The following ARHGAP6 variants were observed in gnomAD, a reference collection of about 807,000 sequenced individuals.
ARHGAP6 encodes the protein Rho GTPase activating protein 6, also known as rho GTPase-activating protein 6.
ARHGAP6 carries 16 observed loss-of-function variants against 55.7 expected under a neutral mutation model. That is an observed-to-expected ratio of 0.29 (90% CI 0.19 to 0.44). The LOEUF is 0.44. Ranked by LOEUF, ARHGAP6 falls within the 20% of genes least tolerant of loss-of-function variation. The pLI is 1.00. For missense variants in ARHGAP6, 698 were observed against 808.9 expected, an observed-to-expected ratio of 0.86 and a Z score of 1.66; for synonymous variants, 382 against 360.9, an observed-to-expected ratio of 1.06 and a Z score of -0.66.
At chrX:11,580,830 C>G (rs1418632944) in intron 1 of ARHGAP6, among the ~76,000 whole-genome samples, 1 of 112,112 alleles carries the variant, frequency 8.9e-6, no homozygotes, top group Non-Finnish European at 1.9e-5. Flanking sequence ...TTGTGTTTCT[C>G]TCTTCAAATG....
At chrX:11,176,937 A>T (rs2046234102) in intron 8 of ARHGAP6, among the ~76,000 whole-genome samples, 1 of 112,237 alleles carries the variant, frequency 8.9e-6, no homozygotes, top group Non-Finnish European at 1.9e-5. Flanking sequence ...GAAATGCAGA[A>T]TTGCCTTTCT....
At chrX:11,370,308 G>A (rs1442484814) in intron 1 of ARHGAP6, among the ~76,000 whole-genome samples, 3 of 111,980 alleles carry the variant, frequency 2.7e-5, no homozygotes, top group Admixed American at 1.9e-4. Flanking sequence ...CTAAACCTTC[G>A]TTTTAACTCA....
chrX:11,173,313 A>G (rs755316704), intron 8 of ARHGAP6, among the ~76,000 whole-genome samples: 27 of 111,787 alleles, frequency 2.4e-4, no homozygotes, highest in African/African-American at 7.8e-4. Context: ...AGAGGCATGT[A>G]CCTCCTCAGA....
At chrX:11,663,004 C>T (rs1384067080) in intron 1 of ARHGAP6, among the ~76,000 whole-genome samples, 1 of 112,107 alleles carries the variant, frequency 8.9e-6, no homozygotes, top group Non-Finnish European at 1.9e-5. Flanking sequence ...CTATCTTTCT[C>T]AAGAAAATGG....
intron 1 of ARHGAP6, among the ~76,000 whole-genome samples, chrX:11,636,075 G>A (rs2052415249): frequency 8.9e-6 from 1 of 111,908 alleles, no homozygotes; most frequent in African/African-American, 3.2e-5. Context: ...AAAGTGGGTA[G>A]CACTTGACTA....
intron 1 of ARHGAP6, among the ~76,000 whole-genome samples, chrX:11,522,042 C>T (rs780098885): frequency 2.7e-5 from 3 of 111,457 alleles, no homozygotes; most frequent in African/African-American, 9.8e-5. Context: ...TGCTTATCAG[C>T]TGAAGGTGCA....
In ARHGAP6 at chrX:11,634,285, A is replaced by T. The variant is rs776667399; in HGVS notation, c.588+29956T>A. On this transcript the variant is annotated intron_variant, in intron 1 of 12. Transcript: ENST00000337414. ...TAATCATATGAAGACATAATAAAATAAAAATTAAAATCACAAAGAGATACT... is the reference window on the plus strand; with the variant it reads ...TAATCATATGAAGACATAATAAAATTAAAATTAAAATCACAAAGAGATACT... Among the ~76,000 whole-genome samples, 16 of 111,758 alleles carry T rather than the reference A, an allele frequency of 1.4e-4. 1 individual carries two copies. The highest frequency in any genetic ancestry group is 4.9e-4 in the African/African-American group (15 of 30,809).
intron 1 of ARHGAP6, among the ~76,000 whole-genome samples, chrX:11,633,181 G>A (rs911347082): frequency 1.8e-5 from 2 of 112,098 alleles, no homozygotes; most frequent in East Asian, 5.6e-4. Context: ...TGTCTGCTTT[G>A]TGGAGAATAC....
At chrX:11,157,574 T>C (rs1235964353) in intron 9 of ARHGAP6, among the ~76,000 whole-genome samples, 1 of 112,423 alleles carries the variant, frequency 8.9e-6, no homozygotes, top group African/African-American at 3.2e-5. Flanking sequence ...TGGTTTCTTA[T>C]TCCATAGAAG....
chrX:11,369,730 A>C (rs1370223158), intron 1 of ARHGAP6, among the ~76,000 whole-genome samples: 1 of 112,308 alleles, frequency 8.9e-6, no homozygotes, highest in Non-Finnish European at 1.9e-5. Flanking sequence ...CATCACAGTT[A>C]TCAAGTGTAG....
At chrX:11,253,312 T>C (rs1262525804) in intron 2 of ARHGAP6, among the ~76,000 whole-genome samples, 1 of 111,250 alleles carries the variant, frequency 9.0e-6, no homozygotes, top group Non-Finnish European at 1.9e-5. Context: ...TATACATATA[T>C]ATGCACATAT....
At chrX:11,408,176 T>C (rs761388454) in intron 1 of ARHGAP6, among the ~76,000 whole-genome samples, 2 of 111,031 alleles carry the variant, frequency 1.8e-5, no homozygotes, top group East Asian at 2.9e-4. Flanking sequence ...AGGTCACAGA[T>C]TGAGACCTCA....
At chrX:11,522,562 C>T (rs755190896) in intron 1 of ARHGAP6, among the ~76,000 whole-genome samples, 54 of 110,919 alleles carry the variant, frequency 4.9e-4, no homozygotes, top group African/African-American at 1.5e-3. Flanking sequence ...ATATCACCAC[C>T]GATCCCACAG....
At chrX:11,554,152 T>C (rs917792469) in intron 1 of ARHGAP6, among the ~76,000 whole-genome samples, 21 of 112,070 alleles carry the variant, frequency 1.9e-4, no homozygotes, top group African/African-American at 6.8e-4. Context: ...GTAACATGGA[T>C]ATAACTGGAG....
chrX:11,187,526 T>C (rs1482963404), intron 4 of ARHGAP6, among the ~76,000 whole-genome samples: 3 of 112,427 alleles, frequency 2.7e-5, no homozygotes, highest in Admixed American at 9.4e-5. Flanking sequence ...AATTCCATCA[T>C]GCAACTTCAG....
chrX:11,230,395 A>T (rs1261463150), intron 2 of ARHGAP6, among the ~76,000 whole-genome samples: 1 of 110,862 alleles, frequency 9.0e-6, no homozygotes, highest in Non-Finnish European at 1.9e-5. Flanking sequence ...ACGGGGTTTC[A>T]GCATGTTGGC....
At chrX:11,160,646 T>C (rs917667837) in intron 9 of ARHGAP6, among the ~76,000 whole-genome samples, 2 of 111,861 alleles carry the variant, frequency 1.8e-5, no homozygotes, top group Non-Finnish European at 3.8e-5. Flanking sequence ...GAAGTATCAT[T>C]ACTTAAAAAA....
intron 1 of ARHGAP6, among the ~76,000 whole-genome samples, chrX:11,285,590 G>A (rs185315218): frequency 3.6e-5 from 4 of 111,971 alleles, no homozygotes; most frequent in African/African-American, 1.3e-4. Flanking sequence ...TCAAGGCTGC[G>A]CAGTCTAAGG....
intron 1 of ARHGAP6, among the ~76,000 whole-genome samples, chrX:11,472,325 A>G (rs1037830880): frequency 8.9e-6 from 1 of 112,015 alleles, no homozygotes; most frequent in African/African-American, 3.2e-5. Flanking sequence ...ACATAAATGA[A>G]TTCAATAATT....
Sources: gnomAD v4.1 joint callset for allele counts (sites outside exome capture counted in the v4.1 genomes callset) on GRCh38, gnomAD v4.1.1 for gene constraint, MANE v1.5 for transcripts, NCBI Gene and HGNC (gene_info 2026-07-23, HGNC 2026-07-21) for gene names.